The following DMRT1 variants were observed in gnomAD, a reference collection of about 807,000 sequenced individuals.
DMRT1 encodes doublesex- and mab-3-related transcription factor 1.
DMRT1 carries 7 observed loss-of-function variants against 32.3 expected under a neutral mutation model. That is an observed-to-expected ratio of 0.22 (90% CI 0.12 to 0.41). The LOEUF is 0.41. Ranked by LOEUF, DMRT1 falls within the 10% of genes least tolerant of loss-of-function variation. The pLI, the probability that DMRT1 is intolerant of heterozygous loss-of-function variation, is 1.00. For synonymous variants in DMRT1, 278 were observed against 206.1 expected, an observed-to-expected ratio of 1.35 and a Z score of -2.99; for missense variants, 625 against 500.5, an observed-to-expected ratio of 1.25 and a Z score of -2.37.
intron 2 of DMRT1, among the ~76,000 whole-genome samples, chr9:890,168 G>A (rs1313395381): frequency 1.5e-5 from 2 of 134,524 alleles, no homozygotes; most frequent in Non-Finnish European, 1.5e-5. Flanking sequence ...GGCTCAGGCC[G>A]ACTGAGCTGA....
chr9:904,037 C>T (rs560319502), intron 3 of DMRT1, among the ~76,000 whole-genome samples: 2 of 152,308 alleles, frequency 1.3e-5, no homozygotes, highest in East Asian at 3.9e-4. Flanking sequence ...ACTCCAGGGA[C>T]TACTTCACAA....
chr9:889,042 T>C (rs1258967823), intron 2 of DMRT1, among the ~76,000 whole-genome samples: 1 of 152,130 alleles, frequency 6.6e-6, no homozygotes, highest in Non-Finnish European at 1.5e-5. Flanking sequence ...TGTATGATTT[T>C]GTCAGTCTGT....
At chr9:884,633 T>G (rs1030842331) in intron 2 of DMRT1, among the ~76,000 whole-genome samples, 1 of 152,184 alleles carries the variant, frequency 6.6e-6, no homozygotes, top group Non-Finnish European at 1.5e-5. Flanking sequence ...CTTCTGATCT[T>G]TTGTTCTTAT....
chr9:897,682 T>C (rs911919584), intron 3 of DMRT1, among the ~76,000 whole-genome samples: 1 of 152,186 alleles, frequency 6.6e-6, no homozygotes, highest in Non-Finnish European at 1.5e-5. Context: ...TAAGAATGTT[T>C]TAAAATCATG....
At chr9:925,613 C>T (rs566414330) in intron 4 of DMRT1, among the ~76,000 whole-genome samples, 68 of 152,292 alleles carry the variant, frequency 4.5e-4, no homozygotes, top group African/African-American at 1.2e-3. Context: ...CTTTCCTGGG[C>T]GCTCTTTCTT....
intron 4 of DMRT1, among the ~76,000 whole-genome samples, chr9:922,668 T>G (rs1586622025): frequency 6.6e-6 from 1 of 152,216 alleles, no homozygotes; most frequent in African/African-American, 2.4e-5. Context: ...GATCTCGGTT[T>G]AAAAGTTAGA....
chr9:878,731 G>A (rs1299935976), intron 2 of DMRT1, among the ~76,000 whole-genome samples: 1 of 152,118 alleles, frequency 6.6e-6, no homozygotes, highest in Non-Finnish European at 1.5e-5. Flanking sequence ...CGTTATGGCC[G>A]TGTTGTGATT....
intron 2 of DMRT1, among the ~76,000 whole-genome samples, chr9:891,605 C>G (rs543811381): frequency 6.6e-6 from 1 of 151,634 alleles, no homozygotes. Context: ...ACCTCTGTCT[C>G]CCAGGTTCAA....
In DMRT1 at chr9:968,643, T is replaced by TTG. The variant is rs1189510181; in HGVS notation, c.*512_*513dup. ...TTTAGAAGTCTGCTAAATGGATATA[T>TTG]TGTGTGTGTTGCTGTTGGAAATAGC... On this transcript the variant is annotated 3_prime_UTR_variant, in exon 5 of 5. Coordinates refer to ENST00000382276, the MANE Select transcript of DMRT1 (RefSeq NM_021951.3). 6.4e-6 allele frequency: 1 copy of TTG among 157,466 alleles called. No individual in the cohort carries two copies. Among genetic ancestry groups the TTG allele is most frequent in the African/African-American group, 2.4e-5 (1 of 41,466 alleles). The allele number at this position is 157,466 out of a possible 1,614,324, so 9.8% of individuals were successfully genotyped here.
chr9:946,779 A>G (rs1819259796), intron 4 of DMRT1, among the ~76,000 whole-genome samples: 1 of 152,148 alleles, frequency 6.6e-6, no homozygotes, highest in Admixed American at 6.5e-5. Flanking sequence ...TTGGGCTGAA[A>G]AATGTGCTGC....
intron 2 of DMRT1, among the ~76,000 whole-genome samples, chr9:854,754 T>C (rs556730338): frequency 7.0e-6 from 1 of 143,252 alleles, no homozygotes; most frequent in South Asian, 2.3e-4. Context: ...TTTCAGAGTT[T>C]CTAGCAAAAC....
chr9:882,361 C>T (rs1340575600), intron 2 of DMRT1, among the ~76,000 whole-genome samples: 1 of 152,178 alleles, frequency 6.6e-6, no homozygotes, highest in African/African-American at 2.4e-5. Flanking sequence ...CTTAACCTTA[C>T]TTGTGCCTCG....
intron 2 of DMRT1, among the ~76,000 whole-genome samples, chr9:858,870 A>AAAAAAAAATATAT (rs1815525305): frequency 1.0e-4 from 5 of 48,078 alleles, no homozygotes; most frequent in African/African-American, 4.2e-4. Context: ...AAAAAAAAAA[A>AAAAAAAAATATAT]ATATATATAT....
intron 3 of DMRT1, among the ~76,000 whole-genome samples, chr9:914,744 A>G (rs1395653677): frequency 6.6e-6 from 1 of 152,192 alleles, no homozygotes; most frequent in Non-Finnish European, 1.5e-5. Context: ...CTGTAATGGT[A>G]TCTTTGCTTC....
At chr9:896,152 T>G (rs954105239) in intron 3 of DMRT1, among the ~76,000 whole-genome samples, 1 of 151,922 alleles carries the variant, frequency 6.6e-6, no homozygotes, top group Non-Finnish European at 1.5e-5. Context: ...TTTTTCCAGC[T>G]CAATGAATTT....
chr9:898,815 A>G (rs1386516564), intron 3 of DMRT1, among the ~76,000 whole-genome samples: 1 of 152,204 alleles, frequency 6.6e-6, no homozygotes, highest in South Asian at 2.1e-4. Context: ...TATCCTGCCT[A>G]GTAGGATGTA....
chr9:870,423 A>ACAACAACAG (rs1816189618), intron 2 of DMRT1, among the ~76,000 whole-genome samples: 1 of 151,950 alleles, frequency 6.6e-6, no homozygotes, highest in Non-Finnish European at 1.5e-5. Context: ...AATAACAACA[A>ACAACAACAG]CAACATAGCT....
chr9:905,288 C>G (rs929592359), intron 3 of DMRT1, among the ~76,000 whole-genome samples: 8 of 152,212 alleles, frequency 5.3e-5, no homozygotes, highest in Non-Finnish European at 1.0e-4. Context: ...CATACATAGA[C>G]TGAGGAACAG....
chr9:927,042 C>G (rs1023099866), intron 4 of DMRT1, among the ~76,000 whole-genome samples: 1 of 152,248 alleles, frequency 6.6e-6, no homozygotes, highest in African/African-American at 2.4e-5. Flanking sequence ...AGCATCCTCA[C>G]TCATGAGATT....
Sources: allele counts gnomAD v4.1 joint callset (sites outside exome capture counted in the v4.1 genomes callset), GRCh38; gene constraint gnomAD v4.1.1; transcripts MANE v1.5; gene names NCBI Gene and HGNC (gene_info 2026-07-23, HGNC 2026-07-21).